NTM: variants seen among roughly 807,000 people sequenced by gnomAD.
NTM encodes the protein neurotrimin, also known as IgLON family member 2.
In NTM, 13 loss-of-function variants were observed where a neutral mutation model predicts 42.1. That is an observed-to-expected ratio of 0.31 (90% CI 0.20 to 0.49). The LOEUF (loss-of-function observed/expected upper bound fraction) is 0.49, where lower values mean the gene tolerates loss of function less well. Ranked by LOEUF, NTM falls within the 20% of genes least tolerant of loss-of-function variation. NTM has a pLI of 0.99. For missense variants in NTM, 373 were observed against 452.8 expected (o/e 0.82, Z 1.60); for synonymous variants, 187 against 179.2 (o/e 1.04, Z -0.35).
intron 4 of NTM, among the ~76,000 whole-genome samples, chr11:132,275,691 T>G (rs538776590): frequency 4.2e-5 from 6 of 142,916 alleles, no homozygotes; most frequent in Non-Finnish European, 9.1e-5. Flanking sequence ...CTTGATGTTT[T>G]ATATATATAT....
At chr11:131,627,796 A>G (rs2063275691) in intron 1 of NTM, among the ~76,000 whole-genome samples, 1 of 152,186 alleles carries the variant, frequency 6.6e-6, no homozygotes, top group Admixed American at 6.5e-5. Context: ...GTACCACTGC[A>G]TTCCAGCTTG....
rs58402771 is a variant in NTM at position 132,291,036 on chromosome 11, T to C, written c.527-16653T>C. Among the ~76,000 whole-genome samples, 372 of 152,316 alleles carry C rather than the reference T, an allele frequency of 2.4e-3. 1 individual carries two copies. Among genetic ancestry groups the C allele is most frequent in the African/African-American group, 8.3e-3 (347 of 41,580 alleles). On this transcript the variant is annotated intron_variant, in intron 4 of 8. Coordinates refer to ENST00000683400, the MANE Select transcript of NTM (RefSeq NM_001352005.2). Reference sequence around the variant, plus strand: ...AGGCATTAGATCACAATGGGCCGTATAGGAATTTATGCTGTGTTTGGGATG... The same window carrying C: ...AGGCATTAGATCACAATGGGCCGTACAGGAATTTATGCTGTGTTTGGGATG...
intron 1 of NTM, among the ~76,000 whole-genome samples, chr11:131,810,625 C>T (rs1156858835): frequency 6.6e-6 from 1 of 152,180 alleles, no homozygotes; most frequent in Admixed American, 6.5e-5. Flanking sequence ...GTCCAGAGAA[C>T]CCTCTGATTT....
At chr11:131,467,767 TG>T (rs1952031776) in intron 1 of NTM, among the ~76,000 whole-genome samples, 1 of 151,996 alleles carries the variant, frequency 6.6e-6, no homozygotes, top group African/African-American at 2.4e-5. Context: ...TTTGGTGGAG[TG>T]TGTGCTGTGT....
chr11:131,936,131 T>A (rs558491145), intron 2 of NTM, among the ~76,000 whole-genome samples: 3 of 152,200 alleles, frequency 2.0e-5, no homozygotes, highest in Admixed American at 1.3e-4. Flanking sequence ...ACATGCAAAA[T>A]CACATTCAGC....
At chr11:131,483,314 C>T (rs1054873731) in intron 1 of NTM, among the ~76,000 whole-genome samples, 4 of 152,212 alleles carry the variant, frequency 2.6e-5, no homozygotes, top group Non-Finnish European at 5.9e-5. Context: ...GTCCCCTACT[C>T]TCTGTGGTGA....
In NTM at chr11:131,722,021, A is replaced by AGAG. The variant is rs1555100310; in HGVS notation, c.83-189543_83-189542insGAG. On this transcript the variant is annotated intron_variant, in intron 1 of 8. Transcript: ENST00000683400. The stretch of plus-strand genomic sequence containing the variant: ...CAAAAAAAAAAAAAAAAAAAAAAAA[A>AGAG]AGAGAGAAAGAAAGAAAATAATGCT... Among the ~76,000 whole-genome samples, 12 of 112,826 alleles carry AGAG rather than the reference A, an allele frequency of 1.1e-4. 2 individuals are homozygous for AGAG. The highest frequency in any genetic ancestry group is 6.1e-4 in the South Asian group (2 of 3,262). 74.0% of individuals were successfully genotyped at this position (112,826 alleles called of 152,430 possible). A position where few individuals can be genotyped will look rare whatever the true frequency, so the allele number is the denominator to read the frequency against.
chr11:132,135,424 T>C (rs1466785875), intron 2 of NTM, among the ~76,000 whole-genome samples: 1 of 152,250 alleles, frequency 6.6e-6, no homozygotes, highest in African/African-American at 2.4e-5. Flanking sequence ...TCCAGTTCTC[T>C]AGAGGCAGAT....
chr11:131,938,763 C>A (rs1301346261), intron 2 of NTM, among the ~76,000 whole-genome samples: 1 of 152,014 alleles, frequency 6.6e-6, no homozygotes, highest in Non-Finnish European at 1.5e-5. Context: ...GATGTAGAAA[C>A]AGCGTGTACA....
chr11:132,184,755 G>A (rs1053907202), intron 3 of NTM, among the ~76,000 whole-genome samples: 1 of 152,148 alleles, frequency 6.6e-6, no homozygotes, highest in Non-Finnish European at 1.5e-5. Flanking sequence ...GATGAACAAT[G>A]AGCTACACAA....
chr11:131,898,631 C>T (rs2052661234), intron 1 of NTM, among the ~76,000 whole-genome samples: 3 of 152,146 alleles, frequency 2.0e-5, no homozygotes, highest in Admixed American at 2.0e-4. Flanking sequence ...CGCCACCTAC[C>T]CTAGGATATG....
chr11:131,691,950 A>T lies in NTM; in HGVS notation c.83-219614A>T, dbSNP rs187895591. On this transcript the variant is annotated intron_variant, in intron 1 of 8. Transcript: ENST00000683400. ...CACTATGGCATCTGATCGAGAAAAA[A>T]GAGGGAGCTGGACCCCCTCCTGGAT... 4.6e-5 allele frequency among the ~76,000 whole-genome samples: 7 copies of T among 152,296 alleles called. No individual in the cohort carries two copies. The South Asian group carries it at 1.0e-3, about 23-fold the overall frequency.
intron 1 of NTM, among the ~76,000 whole-genome samples, chr11:131,755,651 T>G (rs1322444839): frequency 1.3e-5 from 2 of 152,240 alleles, no homozygotes; most frequent in Non-Finnish European, 2.9e-5. Flanking sequence ...TGGTGTATTA[T>G]CACCAGGATG....
At chr11:131,583,191 C>G (rs1002931283) in intron 1 of NTM, among the ~76,000 whole-genome samples, 4 of 152,156 alleles carry the variant, frequency 2.6e-5, no homozygotes, top group Non-Finnish European at 5.9e-5. Flanking sequence ...GGATTCAGGT[C>G]CCTAAGCTGA....
At chr11:132,263,023 C>G (rs1310134321) in intron 4 of NTM, among the ~76,000 whole-genome samples, 1 of 152,206 alleles carries the variant, frequency 6.6e-6, no homozygotes, top group African/African-American at 2.4e-5. Context: ...GGTTCCCAGG[C>G]AAGACTAGAC....
At chr11:132,069,370 G>A (rs2057054384) in intron 2 of NTM, among the ~76,000 whole-genome samples, 1 of 104,574 alleles carries the variant, frequency 9.6e-6, no homozygotes, top group South Asian at 2.5e-4. Flanking sequence ...GACCATCACA[G>A]GTTAGTTAAC....
chr11:131,528,045 A>G (rs2050749395), intron 1 of NTM, among the ~76,000 whole-genome samples: 1 of 152,250 alleles, frequency 6.6e-6, no homozygotes, highest in Non-Finnish European at 1.5e-5. Context: ...CTCAACTGGT[A>G]TAATGCAAAT....
intron 1 of NTM, among the ~76,000 whole-genome samples, chr11:131,556,846 G>A (rs534371480): frequency 9.2e-5 from 14 of 152,242 alleles, no homozygotes; most frequent in African/African-American, 2.2e-4. Flanking sequence ...CATTACAGGC[G>A]TGAGCCACCG....
intron 6 of NTM, among the ~76,000 whole-genome samples, chr11:132,313,051 G>T (rs1014704756): frequency 6.6e-6 from 1 of 152,118 alleles, no homozygotes; most frequent in East Asian, 1.9e-4. Context: ...TGAGAACTCC[G>T]GCCAGAACCT....
Sources: allele counts gnomAD v4.1 joint callset (sites outside exome capture counted in the v4.1 genomes callset), GRCh38; gene constraint gnomAD v4.1.1; transcripts MANE v1.5; gene names NCBI Gene and HGNC (gene_info 2026-07-23, HGNC 2026-07-21).